MINK1: variants seen among roughly 807,000 people sequenced by gnomAD.
MINK1 encodes misshapen like kinase 1.
Under a neutral mutation model 178.4 loss-of-function variants are expected in MINK1, and 46 were observed. The ratio of observed to expected loss-of-function variants is 0.26; its 90% CI spans 0.20 to 0.33. MINK1 has a LOEUF of 0.33. MINK1 is among the 10% of genes least tolerant of loss of function. The pLI, the probability that MINK1 is intolerant of heterozygous loss-of-function variation, is 1.00. For synonymous variants in MINK1, 797 were observed against 709.7 expected, an observed-to-expected ratio of 1.12 and a Z score of -1.96; for missense variants, 1,366 against 1,814.9, an observed-to-expected ratio of 0.75 and a Z score of 4.49.
chr17:4,893,049 A>G lies in MINK1; in HGVS notation c.2382A>G (p.Ser794=). Residue 794 remains serine (S), a synonymous_variant, in exon 20 of 32, where the codon TCA becomes TCG. Transcript: ENST00000355280. The part of the protein sequence containing the change: ...GNKAKPDDHR[S]RPGRPADFVL... The stretch of plus-strand genomic sequence containing the variant: ...AAGCCAAGCCCGACGACCACCGCTC[A>G]CGGCCAGGCCGGCCCGCAGTGAGTC... 1 of 1,570,660 alleles carries G rather than the reference A, an allele frequency of 6.4e-7. No homozygotes were observed. The highest frequency in any genetic ancestry group is 8.6e-7 in the Non-Finnish European group (1 of 1,160,062).
In MINK1 at chr17:4,894,026, T is replaced by C. The variant is rs1421107820; in HGVS notation, c.2603T>C (p.Val868Ala). The stretch of plus-strand genomic sequence containing the variant: ...ACAGACAGCGTCAGCACCATGGTGG[T>C]CCACGACGTCGAGGAGATCACCGGG... ...GDTDSVSTMVVHDVEEITGTQ... is the reference protein window; with the variant it reads ...GDTDSVSTMVAHDVEEITGTQ... The change falls in exon 22 of 32, where the codon GTC becomes GCC. Residue 868 changes from valine (V) to alanine (A), a missense_variant. Physicochemically the swap from Val to Ala is moderately conservative, Grantham distance 64. Coordinates refer to ENST00000355280, the MANE Select transcript of MINK1 (RefSeq NM_153827.5). The surrounding 1 kb of genome is among the most constrained non-coding windows in gnomAD (Gnocchi z 4.1). 24 of 1,588,408 alleles carry C rather than the reference T, an allele frequency of 1.5e-5. No homozygotes were observed. The highest frequency in any genetic ancestry group is 1.8e-5 in the Non-Finnish European group (21 of 1,166,650).
chr17:4,860,161 C>T (rs888866323), intron 1 of MINK1, among the ~76,000 whole-genome samples: 3 of 152,162 alleles, frequency 2.0e-5, no homozygotes, highest in East Asian at 1.9e-4. Flanking sequence ...GGACGGGTAG[C>T]CAGAGTTCTC....
At position 4,892,155 on chromosome 17, in the gene MINK1, C is replaced by A. The variant is rs770541860; in HGVS notation, c.2008C>A (p.Gln670Lys). 1 of 1,596,726 alleles carries A rather than the reference C, an allele frequency of 6.3e-7. No individual in the cohort carries two copies. Among genetic ancestry groups the A allele is most frequent in the East Asian group, 2.3e-5 (1 of 43,866 alleles). The change falls in exon 17 of 32, where the codon CAG becomes AAG. Residue 670 changes from glutamine to lysine, a missense_variant. Physicochemically the swap from Gln to Lys is moderately conservative, Grantham distance 53 (BLOSUM62 1). Around this residue, in one of 14 missense-constraint regions of MINK1, gnomAD observed 709 missense variants for 692.3 expected, o/e 1.02. Transcript: ENST00000355280. ...CGTGGACTTCTCTCCACAGGTGCCT[C>A]AGAGGACCTCATCTATCGCCACTGC... Reference protein sequence around the residue: ...PDNEAPPKVPQRTSSIATALN... With the variant: ...PDNEAPPKVPKRTSSIATALN...
intron 1 of MINK1, among the ~76,000 whole-genome samples, chr17:4,852,387 G>A (rs971750087): frequency 7.9e-5 from 12 of 151,994 alleles, no homozygotes; most frequent in African/African-American, 2.7e-4. Flanking sequence ...TGTAATTGGT[G>A]TCACGAAAGA....
rs1373444023 is a variant in MINK1 at position 4,897,375 on chromosome 17, G to T, written c.*88G>T. The T allele has an allele frequency of 7.9e-7, 1 of 1,263,834 alleles. No homozygotes were observed. The highest frequency in any genetic ancestry group is 1.1e-6 in the Non-Finnish European group (1 of 884,656). 78.3% of individuals were successfully genotyped at this position (1,263,834 alleles called of 1,614,324 possible). A position where few individuals can be genotyped will look rare whatever the true frequency, so the allele number is the denominator to read the frequency against. ...CGGGCCGCCCCTCTTTCCCCTCCCT[G>T]GGCTTTTGCTTTTACTGGTTTGATT... On this transcript the variant is annotated 3_prime_UTR_variant, in exon 32 of 32. Transcript: ENST00000355280.
At chr17:4,847,343 A>G (rs1314022064) in intron 1 of MINK1, 5 of 420,770 alleles carry the variant, frequency 1.2e-5, no homozygotes, top group East Asian at 7.2e-5. Flanking sequence ...GGTTCAATCA[A>G]TTCTCCTGCC....
At chr17:4,860,734 G>A (rs1225996822) in intron 1 of MINK1, 2 of 519,936 alleles carry the variant, frequency 3.8e-6, no homozygotes, top group African/African-American at 3.9e-5. Flanking sequence ...TGTGTGCCTG[G>A]TTCTCCCCTG....
intron 1 of MINK1, among the ~76,000 whole-genome samples, chr17:4,850,574 C>G (rs1690692842): frequency 6.8e-6 from 1 of 148,096 alleles, no homozygotes; most frequent in Non-Finnish European, 1.5e-5. Context: ...CACACCCTCT[C>G]CCTCTCCTTC....
chr17:4,862,506 C>T (rs9893942), intron 1 of MINK1, among the ~76,000 whole-genome samples: 115,581 of 151,854 alleles, frequency 0.76, 45,323 homozygotes, highest in Non-Finnish European at 0.84. Flanking sequence ...AATACAAAAA[C>T]TAGCCTGGCG....
rs941322323 is a variant in MINK1, at chr17:4,890,526, C to T, written c.1357C>T (p.Arg453Trp). The T allele has an allele frequency of 1.4e-5, 22 of 1,588,604 alleles. No individual in the cohort carries two copies. Among genetic ancestry groups the T allele is most frequent in the East Asian group, 4.6e-5 (2 of 43,418 alleles). Residue 453 changes from arginine (R) to tryptophan (W), a missense_variant, in exon 14 of 32, where the codon CGG becomes TGG. This residue lies in a region of MINK1 where 87 missense variants were observed against 78.9 expected (regional missense o/e 1.10). Coordinates refer to ENST00000355280, the MANE Select transcript of MINK1 (RefSeq NM_153827.5). ...CTACCCTTGGGCCCAGGAATACAAG[C>T]GGAAGCAGCTGGAGGAGCAGCGGCA... Reference protein sequence around the residue: ...RQAEREQEYKRKQLEEQRQSE... With the variant: ...RQAEREQEYKWKQLEEQRQSE...
Position 4,895,559 on chromosome 17 carries a change from C to T in MINK1, c.3229+66C>T. ...TCCTTGGCGCTGTCACCATCTTCTG[C>T]CTGGGAGGAGGGCAGGCACTGGAAG... On this transcript the variant is annotated intron_variant, in intron 26 of 31. Transcript: ENST00000355280. This position sits in a 1 kb window ranked among gnomAD's most constrained non-coding sequence, Gnocchi z 4.3. 6.5e-7 allele frequency: 1 copy of T among 1,549,928 alleles called. No homozygotes were observed. Among genetic ancestry groups the T allele is most frequent in the Non-Finnish European group, 8.7e-7 (1 of 1,144,610 alleles).
At position 4,896,842 on chromosome 17, in the gene MINK1, TGCTGTCCCG is replaced by T; in HGVS notation, c.3915+34_3915+42del. On this transcript the variant is annotated intron_variant, in intron 31 of 31. Transcript: ENST00000355280. The surrounding 1 kb of genome is among the most constrained non-coding windows in gnomAD (Gnocchi z 4.6). ...GGAGGCTCCTTCCCTCTGAAAGCCC[TGCTGTCCCG>T]GCTGCCATGACCCTAGGCCCCTGGG... is the stretch of plus-strand genomic sequence containing the variant. 4 of 1,537,524 alleles carry T rather than the reference TGCTGTCCCG, an allele frequency of 2.6e-6. No individual in the cohort carries two copies. The highest frequency in any genetic ancestry group is 3.5e-6 in the Non-Finnish European group (4 of 1,143,134).
chr17:4,885,086 C>T lies in MINK1; in HGVS notation c.508+84C>T. 7.8e-7 allele frequency: 1 copy of T among 1,279,654 alleles called. No individual in the cohort carries two copies. The highest frequency in any genetic ancestry group is 1.3e-5 in the South Asian group (1 of 78,462). 79.3% of individuals were successfully genotyped at this position (1,279,654 alleles called of 1,614,324 possible). On this transcript the variant is annotated intron_variant, in intron 6 of 31. Coordinates refer to ENST00000355280, the MANE Select transcript of MINK1 (RefSeq NM_153827.5). The surrounding 1 kb of genome is among the most constrained non-coding windows in gnomAD (Gnocchi z 5.0). ...GGGCCCCTTTTTCTCTCTGGTGGCTCAGGCCCAACTCCCTTCCTACTGGGG... is the reference window on the plus strand; with the variant it reads ...GGGCCCCTTTTTCTCTCTGGTGGCTTAGGCCCAACTCCCTTCCTACTGGGG...
Position 4,896,169 on chromosome 17 carries a change from C to G in MINK1, c.3466-24C>G. On this transcript the variant is annotated intron_variant, in intron 28 of 31. Transcript: ENST00000355280. The surrounding 1 kb of genome is among the most constrained non-coding windows in gnomAD (Gnocchi z 4.6). ...GCGCCTCTCCCCGTGCCCCTGAGCCCTCCTCTCCTCCGGTTCTCTGCAGTC... is the reference window on the plus strand; with the variant it reads ...GCGCCTCTCCCCGTGCCCCTGAGCCGTCCTCTCCTCCGGTTCTCTGCAGTC... 6.2e-7 allele frequency: 1 copy of G among 1,600,804 alleles called. No individual in the cohort carries two copies. Among genetic ancestry groups the G allele is most frequent in the South Asian group, 1.1e-5 (1 of 89,240 alleles).
chr17:4,860,632 C>G, intron 1 of MINK1: 1 of 487,384 alleles, frequency 2.1e-6, no homozygotes, highest in South Asian at 1.5e-5. Flanking sequence ...CTCACATTTG[C>G]CCCTAGTTTT....
intron 1 of MINK1, among the ~76,000 whole-genome samples, chr17:4,848,213 C>T (rs1911335519): frequency 6.6e-6 from 1 of 152,134 alleles, no homozygotes; most frequent in Non-Finnish European, 1.5e-5. Context: ...GGGAATTGTT[C>T]CTTAGGGACA....
Position 4,887,735 on chromosome 17 carries a change from A to G in MINK1, c.1175A>G (p.His392Arg). Residue 392 changes from histidine (H) to arginine (R), a missense_variant, in exon 12 of 32, where the codon CAC becomes CGC. Physicochemically the swap from His to Arg is conservative, Grantham distance 29 (BLOSUM62 0). Transcript: ENST00000355280. This position sits in a 1 kb window ranked among gnomAD's most constrained non-coding sequence, Gnocchi z 7.6. Reference sequence around the variant, plus strand: ...GAGGCACACATCAAACACCTGCTGCACCAGCGGCAGCGGCGCATAGAGGAG... The same window carrying G: ...GAGGCACACATCAAACACCTGCTGCGCCAGCGGCAGCGGCGCATAGAGGAG... ...DPEAHIKHLL[H>R]QRQRRIEEQK... 1 of 1,550,974 alleles carries G rather than the reference A, an allele frequency of 6.4e-7. No individual in the cohort carries two copies. Among genetic ancestry groups the G allele is most frequent in the Non-Finnish European group, 8.7e-7 (1 of 1,148,104 alleles).
chr17:4,894,268 A>G lies in MINK1; in HGVS notation c.2765A>G (p.Asn922Ser). ...VVQPSHSPTE[N>S]SKGQSPPSKD... Reference sequence around the variant, plus strand: ...CAGCCCAGCCACTCACCCACCGAGAACAGCAAAGGCCAAAGCCCACCCTCG... The same window carrying G: ...CAGCCCAGCCACTCACCCACCGAGAGCAGCAAAGGCCAAAGCCCACCCTCG... Residue 922 changes from asparagine (N) to serine (S), a missense_variant, in exon 23 of 32, where the codon AAC becomes AGC. Transcript: ENST00000355280. This position sits in a 1 kb window ranked among gnomAD's most constrained non-coding sequence, Gnocchi z 4.1. 6.2e-7 allele frequency: 1 copy of G among 1,613,272 alleles called. No homozygotes were observed. The highest frequency in any genetic ancestry group is 8.5e-7 in the Non-Finnish European group (1 of 1,179,824).
intron 1 of MINK1, among the ~76,000 whole-genome samples, chr17:4,863,328 C>T (rs902171050): frequency 6.6e-6 from 1 of 152,186 alleles, no homozygotes; most frequent in Non-Finnish European, 1.5e-5. Flanking sequence ...CCTCTGCTTT[C>T]CTTTACCTGA....
Sources: allele counts gnomAD v4.1 joint callset (sites outside exome capture counted in the v4.1 genomes callset), GRCh38; gene constraint gnomAD v4.1.1; regional missense constraint gnomAD v4.1.1; non-coding constraint Gnocchi (gnomAD v3.1); transcripts MANE v1.5; gene names NCBI Gene and HGNC (gene_info 2026-07-23, HGNC 2026-07-21).